NAP1L1: variants seen among roughly 807,000 people sequenced by gnomAD.
The protein encoded by NAP1L1 is nucleosome assembly protein 1 like 1, also known as nucleosome assembly protein 1-like 1.
In NAP1L1, 9 loss-of-function variants were observed where a neutral mutation model predicts 58.9. The ratio of observed to expected loss-of-function variants is 0.15; its 90% confidence interval spans 0.09 to 0.27. NAP1L1 has a LOEUF of 0.27. Among genes scored for constraint, NAP1L1 ranks in the 10% least tolerant of loss-of-function variants. The pLI is 1.00. For missense variants in NAP1L1, 302 were observed against 458.8 expected (o/e 0.66, Z 3.12); for synonymous variants, 130 against 138.3 (o/e 0.94, Z 0.42).
Position 76,046,728 on chromosome 12 carries a change from T to C in NAP1L1, c.*1701A>G, listed in dbSNP as rs1166783628. 1 of 152,438 alleles carries C rather than the reference T, an allele frequency of 6.6e-6. No homozygotes were observed. The highest frequency in any genetic ancestry group is 1.5e-5 in the Non-Finnish European group (1 of 67,908). 9.4% of individuals were successfully genotyped at this position (152,438 alleles called of 1,614,324 possible). On this transcript the variant is annotated 3_prime_UTR_variant, in exon 15 of 15. Transcript: ENST00000618691. ...GTAATTTTATTAAGAGCAGGAAATC[T>C]AGACCTTCCTCTAATGACAATCCAA...
At chr12:76,069,088 T>G in intron 2 of NAP1L1, 94 bp from the exon 3 acceptor site, 1 of 852,048 alleles carries the variant, frequency 1.2e-6, no homozygotes, top group Non-Finnish European at 1.9e-6. Flanking sequence ...AATTAGTATC[T>G]CTTTCAAAGA....
chr12:76,072,312 A>C (rs112712270), intron 2 of NAP1L1, among the ~76,000 whole-genome samples: 165 of 151,728 alleles, frequency 1.1e-3, no homozygotes, highest in Non-Finnish European at 1.8e-3. Context: ...AAAAAAAAAA[A>C]AAACAAAAAA....
intron 1 of NAP1L1, among the ~76,000 whole-genome samples, chr12:76,083,473 C>CAAAAAA (rs34033928): frequency 1.1e-5 from 1 of 87,216 alleles, no homozygotes; most frequent in Non-Finnish European, 2.1e-5. Context: ...CTTTTTTTTC[C>CAAAAAA]AAAAAAAAAA....
At chr12:76,060,008 T>C (rs1055549389) in intron 5 of NAP1L1, 130 bp from the exon 6 acceptor site, 23 of 1,182,632 alleles carry the variant, frequency 1.9e-5, no homozygotes, top group Admixed American at 1.5e-4. Context: ...TTATTGATAG[T>C]TCCTCCAAGT....
chr12:76,057,460 GT>G (rs1949164874), intron 6 of NAP1L1: 1 of 625,116 alleles, frequency 1.6e-6, no homozygotes, highest in Non-Finnish European at 2.9e-6. Flanking sequence ...GGGGAAACGA[GT>G]TGCATTTGTC....
rs985476697 is a variant in NAP1L1 at position 76,044,134 on chromosome 12, T to C, written c.*4295A>G. On this transcript the variant is annotated 3_prime_UTR_variant, in exon 15 of 15. Coordinates refer to ENST00000618691, the MANE Select transcript of NAP1L1 (RefSeq NM_004537.7). ...CTGGCCAACATGGTGAAAACCCATC[T>C]CTACTAAAAGTACAAAAATCAGCTG... 6.6e-6 allele frequency: 1 copy of C among 152,144 alleles called. No homozygotes were observed. Among genetic ancestry groups the C allele is most frequent in the Non-Finnish European group, 1.5e-5 (1 of 68,088 alleles). The allele number at this position is 152,144 out of a possible 1,614,324, so 9.4% of individuals were successfully genotyped here.
chr12:76,043,497 A>AG lies in NAP1L1; in HGVS notation c.*4931_*4932insC, dbSNP rs1316442947. 2.0e-5 allele frequency: 3 copies of AG among 151,314 alleles called. No homozygotes were observed. The highest frequency in any genetic ancestry group is 1.3e-4 in the Admixed American group (2 of 15,180). The allele number at this position is 151,314 out of a possible 1,614,324, so 9.4% of individuals were successfully genotyped here. A position where few individuals can be genotyped will look rare whatever the true frequency, so the allele number is the denominator to read the frequency against. On this transcript the variant is annotated 3_prime_UTR_variant, in exon 15 of 15. Transcript: ENST00000618691. ...TCTCAGAAAAAAAAAAAAAAAAAAA[A>AG]ATTTCTACATGGAATGGTCATCCTC... is the stretch of plus-strand genomic sequence containing the variant.
intron 2 of NAP1L1, among the ~76,000 whole-genome samples, chr12:76,071,762 G>C (rs756475206): frequency 4.6e-5 from 7 of 152,114 alleles, no homozygotes; most frequent in Non-Finnish European, 7.4e-5. Context: ...TACACTAGCA[G>C]AAATATTCAG....
intron 1 of NAP1L1, among the ~76,000 whole-genome samples, chr12:76,083,581 G>C (rs79119976): frequency 8.6e-5 from 13 of 151,508 alleles, no homozygotes; most frequent in Admixed American, 3.3e-4. Context: ...GATCGATCAG[G>C]ATCAATACTC....
intron 11 of NAP1L1, among the ~76,000 whole-genome samples, chr12:76,051,597 T>C (rs1385037471): frequency 1.3e-5 from 2 of 152,186 alleles, no homozygotes; most frequent in Non-Finnish European, 2.9e-5. Context: ...CAGGCTGGCC[T>C]CAAGTGATCC....
rs982672967 is a variant in NAP1L1, at chr12:76,039,170, C to A, written c.*9259G>T. ...GTGGCCAATGTGGCTGTCATCCTAA[C>A]CTCCCTTGGCATTCACACCCAGCTC... On this transcript the variant is annotated 3_prime_UTR_variant, in exon 15 of 15. Transcript: ENST00000618691. 1.3e-5 allele frequency: 2 copies of A among 152,176 alleles called. No homozygotes were observed. The highest frequency in any genetic ancestry group is 4.8e-5 in the African/African-American group (2 of 41,432). 9.4% of individuals were successfully genotyped at this position (152,176 alleles called of 1,614,324 possible).
In NAP1L1 at chr12:76,039,115, C is replaced by T. The variant is rs1263173534; in HGVS notation, c.*9314G>A. ...TCCAGGATATCCTTGATCAAATAATCCTTTTCTAAATCAACTTATTTCGAC... is the reference window on the plus strand; with the variant it reads ...TCCAGGATATCCTTGATCAAATAATTCTTTTCTAAATCAACTTATTTCGAC... On this transcript the variant is annotated 3_prime_UTR_variant, in exon 15 of 15. Transcript: ENST00000618691. 3 of 152,176 alleles carry T rather than the reference C, an allele frequency of 2.0e-5. No homozygotes were observed. Among genetic ancestry groups the T allele is most frequent in the African/African-American group, 7.2e-5 (3 of 41,456 alleles). The allele number at this position is 152,176 out of a possible 1,614,324, so 9.4% of individuals were successfully genotyped here.
At chr12:76,059,112 T>A (rs2137008161) in intron 6 of NAP1L1, among the ~76,000 whole-genome samples, 1 of 152,336 alleles carries the variant, frequency 6.6e-6, no homozygotes, top group Non-Finnish European at 1.5e-5. Flanking sequence ...ACAATATGAT[T>A]TATAATAAAA....
chr12:76,077,980 CAAAAAAAAAAAAA>C (rs58558132), intron 1 of NAP1L1, among the ~76,000 whole-genome samples: 1 of 65,964 alleles, frequency 1.5e-5, no homozygotes, highest in East Asian at 4.6e-4. Context: ...GACCCTGTCT[CAAAAAAAAAAAAA>C]AAAAAAAAGG....
intron 4 of NAP1L1, among the ~76,000 whole-genome samples, chr12:76,064,641 C>T (rs1272882271): frequency 1.3e-5 from 2 of 151,940 alleles, no homozygotes; most frequent in Non-Finnish European, 2.9e-5. Context: ...TCAAGACAAC[C>T]AGCAGAATTA....
chr12:76,058,864 T>C (rs1428554156), intron 6 of NAP1L1, among the ~76,000 whole-genome samples: 2 of 152,344 alleles, frequency 1.3e-5, no homozygotes, highest in East Asian at 3.9e-4. Flanking sequence ...TGGGTGAGAA[T>C]CTAATATATC....
At position 76,048,312 on chromosome 12, in the gene NAP1L1, T is replaced by TA. The variant is rs1030402326; in HGVS notation, c.*116dup. The TA allele has an allele frequency of 3.7e-4, 427 of 1,143,964 alleles. No individual in the cohort carries two copies. The highest frequency in any genetic ancestry group is 6.1e-4 in the South Asian group (41 of 67,680). 70.9% of individuals were successfully genotyped at this position (1,143,964 alleles called of 1,614,324 possible). ...TTTAAAATATCAGTTTCCTGTCCTT[T>TA]AAAAAAAAATTACCTAGTCTACCAA... On this transcript the variant is annotated 3_prime_UTR_variant, in exon 15 of 15. Coordinates refer to ENST00000618691, the MANE Select transcript of NAP1L1 (RefSeq NM_004537.7).
intron 4 of NAP1L1, among the ~76,000 whole-genome samples, chr12:76,065,963 G>C (rs1285078417): frequency 6.7e-6 from 1 of 149,868 alleles, no homozygotes; most frequent in Non-Finnish European, 1.5e-5. Context: ...GCTGCTCAAA[G>C]ACAAACACGG....
intron 13 of NAP1L1, chr12:76,049,482 A>T: frequency 6.5e-7 from 1 of 1,535,692 alleles, no homozygotes; most frequent in Non-Finnish European, 8.7e-7. Context: ...CCAACGTTGG[A>T]AAAGTTTACT....
Sources: gnomAD v4.1 joint callset for allele counts (sites outside exome capture counted in the v4.1 genomes callset) on GRCh38, gnomAD v4.1.1 for gene constraint, MANE v1.5 for transcripts, NCBI Gene and HGNC (gene_info 2026-07-23, HGNC 2026-07-21) for gene names.